The following ESRRB variants were observed in gnomAD, a reference collection of about 807,000 sequenced individuals.
ESRRB encodes the protein estrogen related receptor beta.
In ESRRB, 16 loss-of-function variants were observed where a neutral mutation model predicts 46.0. The ratio of observed to expected loss-of-function variants is 0.35; its 90% confidence interval spans 0.24 to 0.53. The LOEUF is 0.53. Among genes scored for constraint, ESRRB ranks in the 20% least tolerant of loss-of-function variants. The pLI is 0.93. For missense variants in ESRRB, 488 were observed against 607.4 expected (o/e 0.80, Z 2.07); for synonymous variants, 246 against 259.6 (o/e 0.95, Z 0.50).
At chr14:76,316,063 G>A (rs1055959635) in intron 1 of ESRRB, among the ~76,000 whole-genome samples, 8 of 152,208 alleles carry the variant, frequency 5.3e-5, no homozygotes, top group African/African-American at 9.7e-5. Context: ...CTACAGAGCA[G>A]GCCAGACCAG....
At chr14:76,383,136 A>C (rs527795748) in intron 1 of ESRRB, among the ~76,000 whole-genome samples, 2 of 152,360 alleles carry the variant, frequency 1.3e-5, no homozygotes, top group South Asian at 4.1e-4. Context: ...GGTGTTTACC[A>C]AAATCCTGCA....
chr14:76,465,837 G>T (rs1009853628), intron 3 of ESRRB, among the ~76,000 whole-genome samples: 10 of 152,226 alleles, frequency 6.6e-5, no homozygotes, highest in South Asian at 2.1e-4. Context: ...ATGACACAAA[G>T]GCTCCTGAGT....
At chr14:76,352,055 C>T (rs976276293) in intron 1 of ESRRB, among the ~76,000 whole-genome samples, 2 of 149,248 alleles carry the variant, frequency 1.3e-5, no homozygotes, top group Non-Finnish European at 3.0e-5. Context: ...GTGTCCTGTT[C>T]GCTGTTGAGT....
chr14:76,354,724 C>T (rs33928720), intron 1 of ESRRB, among the ~76,000 whole-genome samples: 4,701 of 45,910 alleles, frequency 0.1, 109 homozygotes, highest in East Asian at 0.16. Flanking sequence ...TTTTTTTTTT[C>T]TTTGAAATGA....
intron 6 of ESRRB, among the ~76,000 whole-genome samples, chr14:76,492,004 C>G (rs188323545): frequency 2.0e-4 from 31 of 152,324 alleles, no homozygotes; most frequent in African/African-American, 7.2e-4. Flanking sequence ...AATCCCACGT[C>G]TACCAACTGG....
chr14:76,441,321 C>T (rs763877565), intron 2 of ESRRB, among the ~76,000 whole-genome samples: 3 of 152,170 alleles, frequency 2.0e-5, no homozygotes, highest in South Asian at 2.1e-4. Context: ...TGACAAAAGG[C>T]GTGCAAGAAC....
chr14:76,351,068 C>T lies in ESRRB; in HGVS notation c.2+40152C>T, dbSNP rs186681502. Among the ~76,000 whole-genome samples the T allele has an allele frequency of 1.9e-3, 296 of 152,284 alleles. 2 individuals are homozygous for T. The highest frequency in any genetic ancestry group is 6.8e-3 in the African/African-American group (283 of 41,562). On this transcript the variant is annotated intron_variant, in intron 1 of 6. Transcript: ENST00000512784. Reference sequence around the variant, plus strand: ...GGTTGGGGGTAGATGTCATTGAGGCCGGTGAGCTTTGCACCTGTGCATCAC... The same window carrying T: ...GGTTGGGGGTAGATGTCATTGAGGCTGGTGAGCTTTGCACCTGTGCATCAC...
chr14:76,380,568 GT>G (rs1884968286), intron 1 of ESRRB, among the ~76,000 whole-genome samples: 1 of 152,202 alleles, frequency 6.6e-6, no homozygotes, highest in African/African-American at 2.4e-5. Flanking sequence ...CCATTCTGGT[GT>G]TCCCCAACAC....
rs575894339 is a variant in ESRRB, at chr14:76,321,364, G to A, written c.2+10448G>A. Among the ~76,000 whole-genome samples, 11 of 152,206 alleles carry A rather than the reference G, an allele frequency of 7.2e-5. No homozygotes were observed. In the South Asian group the frequency reaches 2.3e-3, roughly 32 times the overall value. On this transcript the variant is annotated intron_variant, in intron 1 of 6. Transcript: ENST00000512784. ...CATACTGAGCCTGGGGTCATGCCTT[G>A]TTCTCTGTCCCCTAAAATCTCGTAT...
intron 1 of ESRRB, among the ~76,000 whole-genome samples, chr14:76,413,504 T>C (rs1318586376): frequency 6.6e-6 from 1 of 152,160 alleles, no homozygotes; most frequent in Non-Finnish European, 1.5e-5. Context: ...CTTCAAGACG[T>C]AGGCTAAACT....
upstream of ESRRB, among the ~76,000 whole-genome samples, chr14:76,366,392 G>T (rs889064080): frequency 6.6e-6 from 1 of 152,174 alleles, no homozygotes; most frequent in African/African-American, 2.4e-5. Context: ...GGATGCTCAG[G>T]CCCACCAAAA....
intron 1 of ESRRB, among the ~76,000 whole-genome samples, chr14:76,348,472 T>C (rs2885130): frequency 0.22 from 34,146 of 152,158 alleles, 4,755 homozygotes; most frequent in East Asian, 0.44. Context: ...CTTCAATTTT[T>C]CTGGGCTGTC....
chr14:76,448,414 C>T (rs998313023), intron 2 of ESRRB, among the ~76,000 whole-genome samples: 1 of 151,510 alleles, frequency 6.6e-6, no homozygotes, highest in Non-Finnish European at 1.5e-5. Flanking sequence ...CTGCAACCTC[C>T]GCCTCCCAGG....
chr14:76,319,732 A>G (rs1595043414), intron 1 of ESRRB, among the ~76,000 whole-genome samples: 1 of 152,132 alleles, frequency 6.6e-6, no homozygotes, highest in Admixed American at 6.5e-5. Context: ...GATTAGTAGA[A>G]ACATGGTTGG....
intron 1 of ESRRB, among the ~76,000 whole-genome samples, chr14:76,418,631 T>C (rs1442200656): frequency 6.6e-6 from 1 of 152,136 alleles, no homozygotes; most frequent in South Asian, 2.1e-4. Context: ...TTTGCTTGTT[T>C]TGAGATGGAG....
At chr14:76,313,462 T>C (rs1374998951) in intron 1 of ESRRB, among the ~76,000 whole-genome samples, 1 of 152,126 alleles carries the variant, frequency 6.6e-6, no homozygotes, top group African/African-American at 2.4e-5. Context: ...TGCACTGTTG[T>C]TTTATGGGTT....
chr14:76,345,841 C>T (rs959448155), intron 1 of ESRRB, among the ~76,000 whole-genome samples: 2 of 152,234 alleles, frequency 1.3e-5, no homozygotes, highest in Non-Finnish European at 2.9e-5. Context: ...CTCTGTCTCA[C>T]GTTTGTTTTT....
chr14:76,428,777 G>A (rs1286605098), intron 1 of ESRRB, among the ~76,000 whole-genome samples: 1 of 152,122 alleles, frequency 6.6e-6, no homozygotes, highest in Non-Finnish European at 1.5e-5. Context: ...GAAAATCATG[G>A]ATAAAAAGCC....
intron 1 of ESRRB, among the ~76,000 whole-genome samples, chr14:76,388,726 G>A (rs763654065): frequency 1.3e-5 from 2 of 152,142 alleles, no homozygotes; most frequent in Admixed American, 6.5e-5. Context: ...TGACATCATC[G>A]TCCAAGGGCC....
Sources: allele counts gnomAD v4.1 joint callset (sites outside exome capture counted in the v4.1 genomes callset), GRCh38; gene constraint gnomAD v4.1.1; transcripts MANE v1.5; gene names NCBI Gene and HGNC (gene_info 2026-07-23, HGNC 2026-07-21).